PRORP: variants seen among roughly 807,000 people sequenced by gnomAD.
PRORP encodes protein only RNase P catalytic subunit.
In PRORP, 51 loss-of-function variants were observed where a neutral mutation model predicts 59.4. That is an observed-to-expected ratio of 0.86 (90% CI 0.69 to 1.08). The LOEUF (loss-of-function observed/expected upper bound fraction) is 1.08, where lower values mean the gene tolerates loss of function less well. PRORP is among the 50% of genes least tolerant of loss of function. PRORP has a pLI of 0.00. For missense variants in PRORP, 646 were observed against 690.3 expected, an observed-to-expected ratio of 0.94 and a Z score of 0.72; for synonymous variants, 231 against 245.6, an observed-to-expected ratio of 0.94 and a Z score of 0.55.
intron 5 of PRORP, among the ~76,000 whole-genome samples, chr14:35,207,223 C>T (rs2049317636): frequency 6.6e-6 from 1 of 152,178 alleles, no homozygotes; most frequent in African/African-American, 2.4e-5. Flanking sequence ...GAGATACATG[C>T]TGAAATGTTA....
chr14:35,255,189 G>A (rs551817306), intron 5 of PRORP, among the ~76,000 whole-genome samples: 9 of 152,094 alleles, frequency 5.9e-5, no homozygotes, highest in African/African-American at 1.7e-4. Context: ...GTGCAGTGGC[G>A]TGATCTCGGC....
chr14:35,202,384 C>T (rs1018619642), intron 5 of PRORP, among the ~76,000 whole-genome samples: 2 of 152,114 alleles, frequency 1.3e-5, no homozygotes, highest in Non-Finnish European at 2.9e-5. Flanking sequence ...GTTTCTGCCA[C>T]TTGGTGTCAC....
chr14:35,235,607 G>A, intron 5 of PRORP: 1 of 480,440 alleles, frequency 2.1e-6, no homozygotes, highest in Non-Finnish European at 3.9e-6. Context: ...CCCTTTGCCA[G>A]CAGCTTTCTT....
At chr14:35,173,774 A>C (rs895981675) in intron 4 of PRORP, among the ~76,000 whole-genome samples, 2 of 151,858 alleles carry the variant, frequency 1.3e-5, no homozygotes, top group African/African-American at 4.8e-5. Context: ...ATTTATTACT[A>C]TTATTATTGT....
At chr14:35,219,782 G>T (rs1042807213) in intron 5 of PRORP, among the ~76,000 whole-genome samples, 3 of 152,278 alleles carry the variant, frequency 2.0e-5, no homozygotes, top group Middle Eastern at 3.4e-3. Context: ...GAGAGTAGAG[G>T]TGTCAGTTTC....
chr14:35,270,142 A>G (rs558726257), intron 6 of PRORP, among the ~76,000 whole-genome samples: 2 of 152,344 alleles, frequency 1.3e-5, no homozygotes, highest in South Asian at 2.1e-4. Context: ...GTTAGAATTC[A>G]TCGTTCTAGT....
chr14:35,262,371 T>A, intron 5 of PRORP: 10 of 328,634 alleles, frequency 3.0e-5, no homozygotes, highest in Admixed American at 4.3e-5. Context: ...ATGTTTGCCT[T>A]TTATTACTAG....
intron 2 of PRORP, among the ~76,000 whole-genome samples, chr14:35,125,360 A>C (rs1279926766): frequency 6.6e-6 from 1 of 152,124 alleles, no homozygotes; most frequent in Admixed American, 6.5e-5. Context: ...TACTGGGTAC[A>C]TACCTGTTTA....
chr14:35,127,302 A>G (rs2047121850), intron 3 of PRORP, among the ~76,000 whole-genome samples, 177 bp from the exon 4 acceptor site: 1 of 151,602 alleles, frequency 6.6e-6, no homozygotes, highest in South Asian at 2.1e-4. Context: ...GTTTTCTGGC[A>G]CACTAATTTG....
In PRORP at chr14:35,275,128, T is replaced by C. The variant is rs1594368688; in HGVS notation, c.*1562T>C. 1 of 152,298 alleles carries C rather than the reference T, an allele frequency of 6.6e-6. No homozygotes were observed. The highest frequency in any genetic ancestry group is 3.4e-3 in the Middle Eastern group (1 of 294). 9.4% of individuals were successfully genotyped at this position (152,298 alleles called of 1,614,324 possible). ...GGTGATGGAAAGTTTCTTATATTGA[T>C]TTGGGTAATAGTAACATAGCTATAT... On this transcript the variant is annotated 3_prime_UTR_variant, in exon 8 of 8. Transcript: ENST00000534898.
chr14:35,157,214 C>T (rs1232536664), intron 4 of PRORP, among the ~76,000 whole-genome samples: 1 of 152,136 alleles, frequency 6.6e-6, no homozygotes, highest in Non-Finnish European at 1.5e-5. Context: ...CTCGGCCTCT[C>T]AAAGTGCTGG....
chr14:35,243,302 C>CA (rs1369452002), intron 5 of PRORP, among the ~76,000 whole-genome samples: 1 of 152,114 alleles, frequency 6.6e-6, no homozygotes, highest in East Asian at 1.9e-4. Flanking sequence ...GAGGCAGAGG[C>CA]AGGCAGATCT....
rs1049734991 is a variant in PRORP, at chr14:35,275,229, G to A, written c.*1663G>A. 1.3e-5 allele frequency: 2 copies of A among 152,022 alleles called. No homozygotes were observed. The highest frequency in any genetic ancestry group is 2.9e-5 in the Non-Finnish European group (2 of 68,018). The allele number at this position is 152,022 out of a possible 1,614,324, so 9.4% of individuals were successfully genotyped here. On this transcript the variant is annotated 3_prime_UTR_variant, in exon 8 of 8. Coordinates refer to ENST00000534898, the MANE Select transcript of PRORP (RefSeq NM_014672.4). ...TACATTTATGACAATATACCTCAAA[G>A]TAAGTTAGGGTAAGAAAAGATAATT... is the stretch of plus-strand genomic sequence containing the variant.
At chr14:35,200,275 C>G (rs2049114312) in intron 5 of PRORP, among the ~76,000 whole-genome samples, 2 of 152,164 alleles carry the variant, frequency 1.3e-5, no homozygotes, top group Admixed American at 1.3e-4. Flanking sequence ...TCACTGCAAC[C>G]TCCACCTCCC....
At chr14:35,179,644 C>CT (rs369741562) in intron 4 of PRORP, among the ~76,000 whole-genome samples, 28,021 of 152,000 alleles carry the variant, frequency 0.18, 2,839 homozygotes, top group Admixed American at 0.27. Flanking sequence ...TTCATCTAAT[C>CT]TTTTTTAAAG....
chr14:35,122,899 G>C (rs887445083), intron 1 of PRORP, 53 bp from the exon 2 acceptor site: 1 of 230,416 alleles, frequency 4.3e-6, no homozygotes, highest in Non-Finnish European at 8.7e-6. Flanking sequence ...TTTCAGGACA[G>C]CTGTGATCCA....
At chr14:35,174,741 T>C (rs887627905) in intron 4 of PRORP, among the ~76,000 whole-genome samples, 3 of 90,670 alleles carry the variant, frequency 3.3e-5, no homozygotes, top group African/African-American at 1.3e-4. Context: ...TCATTCTTCT[T>C]TTTTTTTTCT....
chr14:35,154,637 A>G (rs1325341834), intron 4 of PRORP, among the ~76,000 whole-genome samples: 1 of 152,008 alleles, frequency 6.6e-6, no homozygotes, highest in Non-Finnish European at 1.5e-5. Context: ...CAAGGGTACA[A>G]TTACCAAATA....
At chr14:35,166,450 T>G (rs1261732284) in intron 4 of PRORP, among the ~76,000 whole-genome samples, 1 of 1,076 alleles carries the variant, frequency 9.3e-4, no homozygotes, top group Admixed American at 0.083. Context: ...ATCTGAATCT[T>G]TTTTTTTTTT....
Sources: gnomAD v4.1 joint callset for allele counts (sites outside exome capture counted in the v4.1 genomes callset) on GRCh38, gnomAD v4.1.1 for gene constraint, MANE v1.5 for transcripts, NCBI Gene and HGNC (gene_info 2026-07-23, HGNC 2026-07-21) for gene names.